The following NT5DC1 variants were observed in gnomAD, a reference collection of about 807,000 sequenced individuals.
NT5DC1 encodes the protein 5'-nucleotidase domain-containing protein 1.
A neutral mutation model predicts 59.4 loss-of-function variants in NT5DC1; 42 were observed. That is an observed-to-expected ratio of 0.71 (90% CI 0.55 to 0.92). NT5DC1 has a LOEUF of 0.92. Ranked by LOEUF, NT5DC1 falls within the 40% of genes least tolerant of loss-of-function variation. NT5DC1 has a pLI of 0.00. For synonymous variants in NT5DC1, 172 were observed against 188.1 expected, an observed-to-expected ratio of 0.91 and a Z score of 0.70; for missense variants, 501 against 537.1, an observed-to-expected ratio of 0.93 and a Z score of 0.66.
chr6:116,169,503 A>C (rs1304740033), intron 6 of NT5DC1, among the ~76,000 whole-genome samples: 1 of 152,248 alleles, frequency 6.6e-6, no homozygotes, highest in Non-Finnish European at 1.5e-5. Context: ...ATGAAAGACT[A>C]TATGGTAGGA....
At chr6:116,124,095 A>G (rs186068784) in intron 6 of NT5DC1, among the ~76,000 whole-genome samples, 1 of 152,220 alleles carries the variant, frequency 6.6e-6, no homozygotes, top group Non-Finnish European at 1.5e-5. Context: ...GAGACATTCA[A>G]AAGTATCTGT....
intron 11 of NT5DC1, among the ~76,000 whole-genome samples, chr6:116,242,798 A>T (rs1771762802): frequency 6.6e-6 from 1 of 152,226 alleles, no homozygotes; most frequent in South Asian, 2.1e-4. Context: ...GGGTTTGAGG[A>T]GACAACCAGC....
chr6:116,101,344 GGACTAGGGCTGTCCTT>G (rs1778648162), intron 1 of NT5DC1, among the ~76,000 whole-genome samples: 1 of 152,178 alleles, frequency 6.6e-6, no homozygotes, highest in Non-Finnish European at 1.5e-5. Flanking sequence ...GGGGTCAGGG[GGACTAGGGCTGTCCTT>G]GAAGATCTCA....
chr6:116,106,362 T>G (rs544263791), intron 2 of NT5DC1, 27 bp downstream of exon 2: 12 of 760,318 alleles, frequency 1.6e-5, no homozygotes, highest in Non-Finnish European at 2.2e-6. Context: ...TTTTTTTTTT[T>G]AAGTCTGTAC....
At chr6:116,168,785 A>G (rs1780539215) in intron 6 of NT5DC1, among the ~76,000 whole-genome samples, 3 of 152,148 alleles carry the variant, frequency 2.0e-5, no homozygotes, top group Admixed American at 2.0e-4. Flanking sequence ...GTTGAGGTCT[A>G]GGATAACTTT....
chr6:116,197,292 A>T (rs1008825376), intron 6 of NT5DC1, among the ~76,000 whole-genome samples: 1 of 152,000 alleles, frequency 6.6e-6, no homozygotes, highest in Non-Finnish European at 1.5e-5. Context: ...TGTAGACACC[A>T]TTCCCTTTAC....
chr6:116,224,898 G>C (rs1292958947), intron 8 of NT5DC1, among the ~76,000 whole-genome samples: 3 of 152,216 alleles, frequency 2.0e-5, no homozygotes, highest in Non-Finnish European at 4.4e-5. Flanking sequence ...CCTGGCAACT[G>C]CAGCGTCCCT....
intron 6 of NT5DC1, among the ~76,000 whole-genome samples, chr6:116,124,193 A>T (rs1378054674): frequency 6.6e-6 from 1 of 152,124 alleles, no homozygotes; most frequent in Admixed American, 6.5e-5. Flanking sequence ...AGACAATTCT[A>T]TAAGTTTCAT....
intron 6 of NT5DC1, among the ~76,000 whole-genome samples, chr6:116,132,509 A>G (rs998658767): frequency 5.9e-5 from 9 of 151,990 alleles, no homozygotes; most frequent in Admixed American, 5.9e-4. Flanking sequence ...TTTAAGGTAC[A>G]TATGTCTTTA....
intron 6 of NT5DC1, among the ~76,000 whole-genome samples, chr6:116,196,051 T>C (rs891344994): frequency 2.0e-5 from 3 of 152,066 alleles, no homozygotes; most frequent in Admixed American, 1.3e-4. Flanking sequence ...GTCGGGTTGT[T>C]AAGGGGCTAA....
chr6:116,229,125 A>G (rs542190979), intron 8 of NT5DC1, among the ~76,000 whole-genome samples: 5 of 152,248 alleles, frequency 3.3e-5, no homozygotes, highest in Admixed American at 6.5e-5. Context: ...ATATTCCATA[A>G]TTACATTTTA....
intron 6 of NT5DC1, among the ~76,000 whole-genome samples, chr6:116,184,856 A>AT (rs916380058): frequency 3.3e-5 from 5 of 151,414 alleles, no homozygotes; most frequent in African/African-American, 9.7e-5. Flanking sequence ...ATGTTTTGTA[A>AT]TTTTTTTTGT....
intron 6 of NT5DC1, among the ~76,000 whole-genome samples, chr6:116,162,737 G>A (rs1780364258): frequency 2.0e-5 from 3 of 152,056 alleles, no homozygotes; most frequent in African/African-American, 2.4e-5. Context: ...ATAGTTTTCT[G>A]TTTTTGTGTT....
chr6:116,156,116 A>G (rs1291551201), intron 6 of NT5DC1, among the ~76,000 whole-genome samples: 1 of 152,144 alleles, frequency 6.6e-6, no homozygotes, highest in Non-Finnish European at 1.5e-5. Context: ...TCAATAATAC[A>G]TATTTTCTTT....
chr6:116,164,293 G>C (rs1378373804), intron 6 of NT5DC1, among the ~76,000 whole-genome samples: 1 of 152,072 alleles, frequency 6.6e-6, no homozygotes, highest in Non-Finnish European at 1.5e-5. Context: ...ATATATTTAG[G>C]ATAGTTAAAT....
chr6:116,120,452 G>A (rs1779079658), intron 6 of NT5DC1: 2 of 1,614,260 alleles, frequency 1.2e-6, no homozygotes, highest in Non-Finnish European at 8.5e-7. Context: ...GAGAATAACA[G>A]TAAAAGCAGA....
At chr6:116,168,380 C>T (rs1471630596) in intron 6 of NT5DC1, among the ~76,000 whole-genome samples, 1 of 151,962 alleles carries the variant, frequency 6.6e-6, no homozygotes, top group East Asian at 1.9e-4. Context: ...TGCTTATAAA[C>T]CTATCCATTG....
Position 116,155,251 on chromosome 6 carries a change from T to G in NT5DC1, c.529+37306T>G, listed in dbSNP as rs925304329. Among the ~76,000 whole-genome samples, 214 of 152,308 alleles carry G rather than the reference T, an allele frequency of 1.4e-3. 1 individual carries two copies. Among genetic ancestry groups the G allele is most frequent in the African/African-American group, 4.9e-3 (204 of 41,592 alleles). On this transcript the variant is annotated intron_variant, in intron 6 of 11. Transcript: ENST00000319550. ...ACTGTCGTGATGGTTACATGTTATA[T>G]AGTTTCCTAATGTCTCCAGACTGCT...
chr6:116,243,270 T>C (rs547068492), intron 11 of NT5DC1, among the ~76,000 whole-genome samples: 6 of 152,220 alleles, frequency 3.9e-5, no homozygotes, highest in Non-Finnish European at 8.8e-5. Flanking sequence ...TCACCAGTTT[T>C]ACATGATCCT....
Sources: gnomAD v4.1 joint callset for allele counts (sites outside exome capture counted in the v4.1 genomes callset) on GRCh38, gnomAD v4.1.1 for gene constraint, MANE v1.5 for transcripts, NCBI Gene and HGNC (gene_info 2026-07-23, HGNC 2026-07-21) for gene names.